Variants in UNC13C observed in about 807,000 individuals in gnomAD.
UNC13C encodes the protein unc-13 homolog C.
In UNC13C, 174 loss-of-function variants were observed where a neutral mutation model predicts 245.4. The ratio of observed to expected loss-of-function variants is 0.71; its 90% confidence interval spans 0.63 to 0.80. The LOEUF is 0.80. UNC13C is among the 30% of genes least tolerant of loss of function. UNC13C has a pLI of 0.00. For synonymous variants in UNC13C, 992 were observed against 895.1 expected (o/e 1.11, Z -1.93); for missense variants, 2,829 against 2,602.9 (o/e 1.09, Z -1.89).
At chr15:54,525,504 C>T in intron 24 of UNC13C, 45 bp from the exon 25 acceptor site, 1 of 1,471,268 alleles carries the variant, frequency 6.8e-7, no homozygotes, top group Non-Finnish European at 9.4e-7. Context: ...CAGAGGCATG[C>T]TTTCTCAAAA....
chr15:53,990,276 T>G (rs1237632505), intron 1 of UNC13C, among the ~76,000 whole-genome samples: 1 of 152,048 alleles, frequency 6.6e-6, no homozygotes, highest in Non-Finnish European at 1.5e-5. Context: ...AATTATTCCA[T>G]GTATCAATGG....
chr15:53,875,108 T>A, the UNC13C span, among the ~76,000 whole-genome samples: 91 of 81,922 alleles, frequency 1.1e-3, no homozygotes, highest in African/African-American at 3.5e-3. Flanking sequence ...AAAAAAAAAA[T>A]ATCTTATATG....
chr15:54,324,239 G>C (rs1414175577), intron 14 of UNC13C, among the ~76,000 whole-genome samples: 1 of 151,932 alleles, frequency 6.6e-6, no homozygotes, highest in Non-Finnish European at 1.5e-5. Context: ...TGGAACCTCA[G>C]GTTTTTATTC....
At chr15:54,144,833 A>G (rs1349040348) in intron 4 of UNC13C, among the ~76,000 whole-genome samples, 2 of 152,178 alleles carry the variant, frequency 1.3e-5, no homozygotes, top group East Asian at 3.8e-4. Flanking sequence ...TAAATATATC[A>G]CAATAGATTT....
At chr15:54,241,061 T>C (rs188552443) in intron 7 of UNC13C, among the ~76,000 whole-genome samples, 2 of 152,198 alleles carry the variant, frequency 1.3e-5, no homozygotes, top group Non-Finnish European at 2.9e-5. Flanking sequence ...CCACTCTTGC[T>C]GCAAGTCACA....
intron 2 of UNC13C, among the ~76,000 whole-genome samples, chr15:54,120,405 C>A (rs2030586299): frequency 6.6e-6 from 1 of 151,016 alleles, no homozygotes; most frequent in South Asian, 2.1e-4. Flanking sequence ...TGAATACTTA[C>A]ACTGCTCAGA....
the UNC13C span, among the ~76,000 whole-genome samples, chr15:53,884,111 G>T: frequency 2.3e-3 from 1 of 426 alleles, no homozygotes; most frequent in African/African-American, 0.012. Context: ...TGTTACGATG[G>T]TTAACAAAAG....
intron 2 of UNC13C, among the ~76,000 whole-genome samples, chr15:54,116,220 C>A (rs572742144): frequency 6.8e-4 from 104 of 152,036 alleles, no homozygotes; most frequent in Middle Eastern, 6.8e-3. Flanking sequence ...ATATATCAAA[C>A]CAGTGTAATT....
the UNC13C span, among the ~76,000 whole-genome samples, chr15:53,937,034 T>C: frequency 1.1e-4 from 16 of 152,276 alleles, no homozygotes; most frequent in East Asian, 1.7e-3. Context: ...GAGGCTGAGA[T>C]GGCTGAATTG....
chr15:54,574,406 A>T (rs1160044084), intron 30 of UNC13C, among the ~76,000 whole-genome samples: 19 of 152,344 alleles, frequency 1.2e-4, no homozygotes, highest in African/African-American at 4.1e-4. Flanking sequence ...TGTTACTAAA[A>T]AAAAGGTTTT....
the UNC13C span, among the ~76,000 whole-genome samples, chr15:53,971,908 A>C: frequency 1.2e-3 from 167 of 143,594 alleles, no homozygotes; most frequent in Non-Finnish European, 2.0e-3. Context: ...TTTACAACAA[A>C]AACATGAATA....
intron 30 of UNC13C, among the ~76,000 whole-genome samples, chr15:54,592,295 T>C (rs1898833925): frequency 6.6e-6 from 1 of 152,144 alleles, no homozygotes; most frequent in South Asian, 2.1e-4. Context: ...ATCTTCTGTA[T>C]GTATCTGTTA....
chr15:54,468,764 T>C (rs1188664148), intron 19 of UNC13C, among the ~76,000 whole-genome samples: 1 of 151,744 alleles, frequency 6.6e-6, no homozygotes, highest in Non-Finnish European at 1.5e-5. Flanking sequence ...TATAAATATG[T>C]GGATTTATTT....
At chr15:54,569,801 T>A (rs1897671376) in intron 30 of UNC13C, among the ~76,000 whole-genome samples, 1 of 151,488 alleles carries the variant, frequency 6.6e-6, no homozygotes, top group Admixed American at 6.6e-5. Context: ...GAGTATTCAA[T>A]TTTTTTTTCA....
At chr15:54,260,730 TTA>T (rs1407558315) in intron 8 of UNC13C, among the ~76,000 whole-genome samples, 3 of 148,712 alleles carry the variant, frequency 2.0e-5, no homozygotes, top group African/African-American at 4.9e-5. Flanking sequence ...ATATATAACT[TTA>T]TATATGTTTT....
intron 11 of UNC13C, among the ~76,000 whole-genome samples, chr15:54,295,656 A>AT (rs1555445447): frequency 0.16 from 22,946 of 146,140 alleles, 1,938 homozygotes; most frequent in African/African-American, 0.23. Context: ...TTGTAAAAAA[A>AT]AAATAAATAC....
chr15:54,386,838 T>C lies in UNC13C; in HGVS notation c.4714-6210T>C, dbSNP rs537548995. ...GTGGTAAGTTGAAGGCAGCAGTATC[T>C]GGAAGAGAGAAGAGGGGCATGTGGC... is the stretch of plus-strand genomic sequence containing the variant. On this transcript the variant is annotated intron_variant, in intron 17 of 32. Coordinates refer to ENST00000260323, the MANE Select transcript of UNC13C (RefSeq NM_001080534.3). Among the ~76,000 whole-genome samples, 9 of 152,258 alleles carry C rather than the reference T, an allele frequency of 5.9e-5. No individual in the cohort carries two copies. The South Asian group carries it at 6.2e-4, about 11-fold the overall frequency.
At chr15:54,447,478 A>T (rs1015015810) in intron 19 of UNC13C, among the ~76,000 whole-genome samples, 4 of 152,094 alleles carry the variant, frequency 2.6e-5, no homozygotes, top group Non-Finnish European at 5.9e-5. Flanking sequence ...CAGAGATTCA[A>T]CTTCTTCCTG....
At chr15:53,957,460 T>A in the UNC13C span, among the ~76,000 whole-genome samples, 2 of 152,198 alleles carry the variant, frequency 1.3e-5, no homozygotes, top group African/African-American at 4.8e-5. Context: ...CAAAAGTGTT[T>A]TTAAAGGCAG....
Sources: allele counts gnomAD v4.1 joint callset (sites outside exome capture counted in the v4.1 genomes callset), GRCh38; gene constraint gnomAD v4.1.1; transcripts MANE v1.5; gene names NCBI Gene and HGNC (gene_info 2026-07-23, HGNC 2026-07-21).